Variants in SOX5 observed in about 807,000 individuals in gnomAD.
SOX5 encodes the protein SRY-box transcription factor 5.
A neutral mutation model predicts 92.0 loss-of-function variants in SOX5; 9 were observed. That is an observed-to-expected ratio of 0.10 (90% CI 0.06 to 0.17). The LOEUF (loss-of-function observed/expected upper bound fraction) is 0.17, where lower values mean the gene tolerates loss of function less well. Among genes scored for constraint, SOX5 ranks in the 10% least tolerant of loss-of-function variants. SOX5 has a pLI of 1.00. For missense variants in SOX5, 642 were observed against 944.5 expected, an observed-to-expected ratio of 0.68 and a Z score of 4.20; for synonymous variants, 344 against 336.3, an observed-to-expected ratio of 1.02 and a Z score of -0.25.
intron 4 of SOX5, among the ~76,000 whole-genome samples, chr12:24,097,508 C>G (rs914792279): frequency 1.3e-5 from 2 of 149,688 alleles, no homozygotes; most frequent in African/African-American, 4.9e-5. Flanking sequence ...TTTTTTAACT[C>G]TTATGTTTAA....
chr12:24,501,428 A>C (rs916506011), intron 1 of SOX5, among the ~76,000 whole-genome samples: 2 of 152,008 alleles, frequency 1.3e-5, no homozygotes, highest in Non-Finnish European at 2.9e-5. Flanking sequence ...CTCCAAACGC[A>C]TGTATATAAG....
At chr12:24,089,420 C>T (rs1944385786) in intron 4 of SOX5, among the ~76,000 whole-genome samples, 1 of 151,910 alleles carries the variant, frequency 6.6e-6, no homozygotes, top group South Asian at 2.1e-4. Flanking sequence ...ATTTTAATGC[C>T]CTGCCATTCT....
At chr12:24,339,033 G>A (rs1952250686) in intron 2 of SOX5, among the ~76,000 whole-genome samples, 1 of 151,970 alleles carries the variant, frequency 6.6e-6, no homozygotes. Context: ...AGTATTCTAG[G>A]GGCACAGTAT....
intron 1 of SOX5, among the ~76,000 whole-genome samples, chr12:24,476,842 A>C (rs1945436126): frequency 6.6e-6 from 1 of 152,088 alleles, no homozygotes; most frequent in Admixed American, 6.5e-5. Flanking sequence ...ATACTGAAGA[A>C]CTAGTCTGTG....
At chr12:23,723,404 G>A (rs539458923) in intron 6 of SOX5, among the ~76,000 whole-genome samples, 40 of 151,876 alleles carry the variant, frequency 2.6e-4, no homozygotes, top group Non-Finnish European at 5.3e-4. Context: ...ATGTATGGGA[G>A]GGAAAAATAA....
chr12:24,118,752 G>C (rs1268867741), intron 4 of SOX5, among the ~76,000 whole-genome samples: 1 of 152,106 alleles, frequency 6.6e-6, no homozygotes, highest in Non-Finnish European at 1.5e-5. Context: ...GGCATTTACT[G>C]TGTCAAGAAG....
rs942665761 is a variant in SOX5, at chr12:23,834,365, C to T, written c.481+11618G>A. 4.0e-5 allele frequency among the ~76,000 whole-genome samples: 6 copies of T among 151,820 alleles called. No homozygotes were observed. The South Asian group carries it at 8.3e-4, about 21-fold the overall frequency. ...ATTACATATGATTTTTTAGTCAATG[C>T]TAAGGAATTTTTAGCTGATAGTACT... On this transcript the variant is annotated intron_variant, in intron 3 of 14. Coordinates refer to ENST00000451604, the MANE Select transcript of SOX5 (RefSeq NM_006940.6).
At chr12:23,952,832 C>G (rs765225417), upstream of SOX5, among the ~76,000 whole-genome samples, 6 of 152,102 alleles carry the variant, frequency 3.9e-5, no homozygotes, top group Non-Finnish European at 8.8e-5. Context: ...CACTGTTTAA[C>G]TTGGGCAAAC....
Position 24,539,500 on chromosome 12 carries a change from C to T in SOX5, c.-251+22829G>A, listed in dbSNP as rs142468791. Among the ~76,000 whole-genome samples the T allele has an allele frequency of 4.3e-3, 657 of 152,194 alleles. 7 individuals are homozygous for T. The highest frequency in any genetic ancestry group is 0.015 in the African/African-American group (622 of 41,550). On this transcript the variant is annotated intron_variant, in intron 1 of 4. Transcript: ENST00000446891. ...GTTTACACTTAAATCTATCAACTTT[C>T]AAAAAGCTACCAATGATATTCTTAA...
chr12:23,600,068 C>T (rs148998198), intron 9 of SOX5, among the ~76,000 whole-genome samples: 117 of 152,154 alleles, frequency 7.7e-4, no homozygotes, highest in African/African-American at 2.6e-3. Context: ...TTTGTTAAGG[C>T]CATAAGCAGA....
At chr12:23,685,957 G>T (rs567038715) in intron 6 of SOX5, among the ~76,000 whole-genome samples, 12 of 152,114 alleles carry the variant, frequency 7.9e-5, no homozygotes, top group Non-Finnish European at 1.3e-4. Context: ...GAGTCTTCAT[G>T]TCTCCTAAAT....
At chr12:23,886,906 T>C (rs1403151250) in intron 2 of SOX5, among the ~76,000 whole-genome samples, 1 of 152,174 alleles carries the variant, frequency 6.6e-6, no homozygotes, top group Non-Finnish European at 1.5e-5. Context: ...GGTAAGATTT[T>C]GAAACATAAT....
upstream of SOX5, among the ~76,000 whole-genome samples, chr12:23,952,227 G>T (rs1017356897): frequency 6.6e-6 from 1 of 152,078 alleles, no homozygotes; most frequent in Non-Finnish European, 1.5e-5. Context: ...AGGAGAGGAC[G>T]CAGAGAGAGC....
chr12:24,048,879 T>G (rs1388066781), intron 4 of SOX5, among the ~76,000 whole-genome samples: 1 of 151,986 alleles, frequency 6.6e-6, no homozygotes, highest in Non-Finnish European at 1.5e-5. Context: ...AAATAAGGAG[T>G]GACTGTTAAT....
At chr12:24,389,029 A>T (rs2136458428) in intron 1 of SOX5, among the ~76,000 whole-genome samples, 1 of 152,202 alleles carries the variant, frequency 6.6e-6, no homozygotes, top group South Asian at 2.1e-4. Flanking sequence ...ATATGTATAC[A>T]TGTGCCATGC....
chr12:24,515,861 T>C (rs1333082224), intron 1 of SOX5, among the ~76,000 whole-genome samples: 2 of 152,318 alleles, frequency 1.3e-5, no homozygotes, highest in East Asian at 1.9e-4. Flanking sequence ...AGCTGAAATA[T>C]ACATTTGTCT....
At chr12:23,967,167 A>G (rs1044224953) in intron 4 of SOX5, among the ~76,000 whole-genome samples, 2 of 152,308 alleles carry the variant, frequency 1.3e-5, no homozygotes, top group Middle Eastern at 3.4e-3. Context: ...GATGTATAGC[A>G]TAAGCATACA....
intron 2 of SOX5, among the ~76,000 whole-genome samples, chr12:23,878,516 T>C (rs1304837014): frequency 6.6e-6 from 1 of 152,110 alleles, no homozygotes; most frequent in African/African-American, 2.4e-5. Flanking sequence ...ATAAAAATGC[T>C]ACCTCTGCTT....
chr12:24,543,784 A>G (rs1437329056), intron 1 of SOX5, among the ~76,000 whole-genome samples: 3 of 152,202 alleles, frequency 2.0e-5, no homozygotes, highest in Non-Finnish European at 4.4e-5. Context: ...AAGTCATAAT[A>G]TTCTTTTGAG....
Sources: gnomAD v4.1 joint callset for allele counts (sites outside exome capture counted in the v4.1 genomes callset) on GRCh38, gnomAD v4.1.1 for gene constraint, MANE v1.5 for transcripts, NCBI Gene and HGNC (gene_info 2026-07-23, HGNC 2026-07-21) for gene names.